SMCHD1: variants seen among roughly 807,000 people sequenced by gnomAD.
SMCHD1 encodes structural maintenance of chromosomes flexible hinge domain-containing protein 1.
A neutral mutation model predicts 254.7 loss-of-function variants in SMCHD1; 78 were observed. That is an observed-to-expected ratio of 0.31 (90% CI 0.26 to 0.37). SMCHD1 has a LOEUF of 0.37. Ranked by LOEUF, SMCHD1 falls within the 10% of genes least tolerant of loss-of-function variation. The probability of loss-of-function intolerance (pLI) is 1.00; values close to 1 mark genes in which losing one functional copy is unlikely to be tolerated. For missense variants in SMCHD1, 1,840 were observed against 2,408.1 expected (o/e 0.76, Z 4.94); for synonymous variants, 766 against 794.9 (o/e 0.96, Z 0.61).
intron 42 of SMCHD1, 53 bp downstream of exon 42, chr18:2,775,977 A>C: frequency 7.2e-7 from 1 of 1,385,224 alleles, no homozygotes; most frequent in Non-Finnish European, 9.7e-7. Flanking sequence ...TCTGTTTTTT[A>C]TCAAAGCCTT....
chr18:2,657,895 A>G (rs1476732288), intron 1 of SMCHD1, among the ~76,000 whole-genome samples: 2 of 151,034 alleles, frequency 1.3e-5, no homozygotes, highest in Admixed American at 6.6e-5. Flanking sequence ...TGATCCTCCC[A>G]CCTCAGCCTC....
At chr18:2,766,788 C>T (rs899271936) in intron 37 of SMCHD1, among the ~76,000 whole-genome samples, 2 of 152,140 alleles carry the variant, frequency 1.3e-5, no homozygotes, top group Admixed American at 1.3e-4. Flanking sequence ...GTTTGTTTCT[C>T]ATATGCCAAA....
At chr18:2,731,335 G>A (rs2075135555) in intron 24 of SMCHD1, among the ~76,000 whole-genome samples, 1 of 152,186 alleles carries the variant, frequency 6.6e-6, no homozygotes, top group South Asian at 2.1e-4. Context: ...ATGAAATAAT[G>A]TAATATTTTA....
Position 2,763,733 on chromosome 18 carries a change from A to T in SMCHD1, c.4663A>T (p.Ile1555Phe). ...GGAAGATACTGATACCCCACTTTTT[A>T]TTGGGAAAGTTAGAACACTTGAATT... The part of the protein sequence containing the change: ...NEEDTDTPLF[I>F]GKVRTLEFPF... The change falls in exon 37 of 48, where the codon ATT becomes TTT. Residue 1555 changes from isoleucine (I) to phenylalanine (F), a missense_variant. By Grantham distance (21) the Ile-to-Phe change is conservative (BLOSUM62 0). This residue lies in a region of SMCHD1 where 881 missense variants were observed against 1,009.5 expected (regional missense o/e 0.87). Coordinates refer to ENST00000320876, the MANE Select transcript of SMCHD1 (RefSeq NM_015295.3). 1 of 1,610,330 alleles carries T rather than the reference A, an allele frequency of 6.2e-7. No homozygotes were observed. Among genetic ancestry groups the T allele is most frequent in the Non-Finnish European group, 8.5e-7 (1 of 1,178,286 alleles).
chr18:2,685,631 CT>C (rs2074034947), intron 5 of SMCHD1, among the ~76,000 whole-genome samples: 1 of 152,156 alleles, frequency 6.6e-6, no homozygotes, highest in Admixed American at 6.5e-5. Context: ...CTCTTAGCCC[CT>C]GGTAACCATT....
chr18:2,790,691 GC>G (rs1258263575), intron 45 of SMCHD1, among the ~76,000 whole-genome samples: 1 of 152,164 alleles, frequency 6.6e-6, no homozygotes, highest in Non-Finnish European at 1.5e-5. Flanking sequence ...AACCCAGGAG[GC>G]AGAGGTTGCA....
At chr18:2,720,879 A>C (rs367912193) in intron 19 of SMCHD1, among the ~76,000 whole-genome samples, 29 of 152,146 alleles carry the variant, frequency 1.9e-4, no homozygotes, top group African/African-American at 6.5e-4. Context: ...GGCCTCCCAA[A>C]GTGCTGAGAT....
rs776411914 is a variant in SMCHD1, at chr18:2,752,626, G to A, written c.4346+74G>A. The A allele has an allele frequency of 5.4e-4, 500 of 920,208 alleles. 4 individuals are homozygous for A. Among genetic ancestry groups the A allele is most frequent in the Middle Eastern group, 9.5e-4 (4 of 4,214 alleles). 57.0% of individuals were successfully genotyped at this position (920,208 alleles called of 1,614,324 possible). ...TAATTCAACCCTGGAGATATATGTG[G>A]GCTCACCTGAGGAAAAGTAATTTAT... On this transcript the variant is annotated intron_variant, in intron 34 of 47. Transcript: ENST00000320876.
At chr18:2,788,471 A>G (rs573060645) in intron 45 of SMCHD1, among the ~76,000 whole-genome samples, 4 of 152,320 alleles carry the variant, frequency 2.6e-5, no homozygotes, top group Non-Finnish European at 4.4e-5. Flanking sequence ...TATACTTTTA[A>G]TTCTGGGTTA....
intron 41 of SMCHD1, among the ~76,000 whole-genome samples, chr18:2,773,780 A>G (rs1288417306): frequency 6.6e-6 from 1 of 152,146 alleles, no homozygotes; most frequent in Non-Finnish European, 1.5e-5. Flanking sequence ...AAAAATAGCC[A>G]GACATGGTGG....
At chr18:2,771,396 G>C (rs948880992) in intron 39 of SMCHD1, 137 bp from the exon 40 acceptor site, 26 of 615,176 alleles carry the variant, frequency 4.2e-5, no homozygotes, top group Non-Finnish European at 6.8e-5. Flanking sequence ...TTGAATTTCT[G>C]AAATGGTCAC....
chr18:2,777,138 T>A (rs547765862), intron 42 of SMCHD1, among the ~76,000 whole-genome samples: 9 of 151,162 alleles, frequency 6.0e-5, no homozygotes, highest in Admixed American at 1.3e-4. Flanking sequence ...CTGTAATCCC[T>A]GGAGACTAAG....
chr18:2,734,194 G>A (rs1235225056), intron 25 of SMCHD1, among the ~76,000 whole-genome samples: 1 of 152,164 alleles, frequency 6.6e-6, no homozygotes, highest in East Asian at 1.9e-4. Flanking sequence ...GCTTGGAAAG[G>A]AGGTAAGCCA....
intron 26 of SMCHD1, 30 bp downstream of exon 26, chr18:2,738,575 A>G: frequency 6.3e-7 from 1 of 1,574,870 alleles, no homozygotes; most frequent in Non-Finnish European, 8.6e-7. Context: ...TTTGCAGCCT[A>G]TGGCAACAAA....
At chr18:2,667,364 C>T (rs1347583572) in intron 3 of SMCHD1, among the ~76,000 whole-genome samples, 1 of 152,156 alleles carries the variant, frequency 6.6e-6, no homozygotes, top group Admixed American at 6.6e-5. Context: ...TAAGAAAATA[C>T]TTGTTTTACT....
chr18:2,656,871 G>A (rs143131797), intron 1 of SMCHD1, among the ~76,000 whole-genome samples: 2 of 152,300 alleles, frequency 1.3e-5, no homozygotes, highest in African/African-American at 4.8e-5. Context: ...CTGCCTGTCT[G>A]AGCCCTAACC....
At chr18:2,678,835 T>C (rs60421241) in intron 5 of SMCHD1, among the ~76,000 whole-genome samples, 7 of 35,052 alleles carry the variant, frequency 2.0e-4, no homozygotes, top group African/African-American at 2.7e-4. Context: ...TTTTTTTTTT[T>C]TTTGTTTGTT....
At chr18:2,766,117 C>T (rs1213340412) in intron 37 of SMCHD1, among the ~76,000 whole-genome samples, 7 of 152,034 alleles carry the variant, frequency 4.6e-5, no homozygotes. Flanking sequence ...TCTCAGCCTC[C>T]CAAGTAGCTG....
At chr18:2,727,629 T>G (rs1409832398) in intron 22 of SMCHD1, among the ~76,000 whole-genome samples, 2 of 152,082 alleles carry the variant, frequency 1.3e-5, no homozygotes, top group Non-Finnish European at 2.9e-5. Flanking sequence ...TGTTTGCTAC[T>G]TACTAGCCTT....
Sources: gnomAD v4.1 joint callset for allele counts (sites outside exome capture counted in the v4.1 genomes callset) on GRCh38, gnomAD v4.1.1 for gene constraint, gnomAD v4.1.1 regional missense constraint, MANE v1.5 for transcripts, NCBI Gene and HGNC (gene_info 2026-07-23, HGNC 2026-07-21) for gene names.